Variants in ARNT2 observed in about 807,000 individuals in gnomAD.
ARNT2 encodes the protein aryl hydrocarbon receptor nuclear translocator 2.
Under a neutral mutation model 91.7 loss-of-function variants are expected in ARNT2, and 36 were observed. The ratio of observed to expected loss-of-function variants is 0.39; its 90% CI spans 0.30 to 0.52. ARNT2 has a LOEUF of 0.52. ARNT2 is among the 20% of genes least tolerant of loss of function. The probability of loss-of-function intolerance (pLI) is 0.72; values close to 1 mark genes in which losing one functional copy is unlikely to be tolerated. For missense variants in ARNT2, 775 were observed against 939.3 expected, an observed-to-expected ratio of 0.83 and a Z score of 2.29; for synonymous variants, 365 against 347.1, an observed-to-expected ratio of 1.05 and a Z score of -0.57.
intron 1 of ARNT2, among the ~76,000 whole-genome samples, chr15:80,432,679 G>A (rs960483556): frequency 2.0e-5 from 3 of 151,954 alleles, no homozygotes; most frequent in African/African-American, 7.3e-5. Flanking sequence ...TGGATCTTCT[G>A]CTTGGGCTGA....
chr15:80,404,428 C>A lies in ARNT2; in HGVS notation c.-88C>A. 1 of 931,922 alleles carries A rather than the reference C, an allele frequency of 1.1e-6. No homozygotes were observed. Among genetic ancestry groups the A allele is most frequent in the Non-Finnish European group, 1.3e-6 (1 of 752,464 alleles). The allele number at this position is 931,922 out of a possible 1,614,324, so 57.7% of individuals were successfully genotyped here. Reference sequence around the variant, plus strand: ...TTGTGTGGCGGCGGCGGCGCCTGGGCCTGACCGGGTCCCCGGGGCTGAGCG... The same window carrying A: ...TTGTGTGGCGGCGGCGGCGCCTGGGACTGACCGGGTCCCCGGGGCTGAGCG... On this transcript the variant is annotated 5_prime_UTR_variant, in exon 1 of 19. Coordinates refer to ENST00000303329, the MANE Select transcript of ARNT2 (RefSeq NM_014862.4). This position sits in a 1 kb window ranked among gnomAD's most constrained non-coding sequence, Gnocchi z 5.5.
chr15:80,452,677 G>A (rs1406582847), intron 2 of ARNT2, among the ~76,000 whole-genome samples: 1 of 152,312 alleles, frequency 6.6e-6, no homozygotes, highest in East Asian at 1.9e-4. Flanking sequence ...GAGGGAGGTG[G>A]GCTGAGTCAG....
At position 80,595,323 on chromosome 15, in the gene ARNT2, G is replaced by T; in HGVS notation, c.*1625G>T. 1 of 152,384 alleles carries T rather than the reference G, an allele frequency of 6.6e-6. No individual in the cohort carries two copies. Among genetic ancestry groups the T allele is most frequent in the Non-Finnish European group, 1.5e-5 (1 of 68,106 alleles). 9.4% of individuals were successfully genotyped at this position (152,384 alleles called of 1,614,324 possible). A position where few individuals can be genotyped will look rare whatever the true frequency, so the allele number is the denominator to read the frequency against. Reference sequence around the variant, plus strand: ...CTTGTGTCCCTCCCAGAGTCCTTCAGGTAGGCCCTCGCAGATGCTGCTTGC... The same window carrying T: ...CTTGTGTCCCTCCCAGAGTCCTTCATGTAGGCCCTCGCAGATGCTGCTTGC... On this transcript the variant is annotated 3_prime_UTR_variant, in exon 19 of 19. Coordinates refer to ENST00000303329, the MANE Select transcript of ARNT2 (RefSeq NM_014862.4).
At chr15:80,580,382 C>A (rs368081926) in intron 15 of ARNT2, 29 bp from the exon 16 acceptor site, 1 of 1,613,260 alleles carries the variant, frequency 6.2e-7, no homozygotes, top group African/African-American at 1.3e-5. Context: ...GGTGTGTCCT[C>A]GGGATAAATG....
Position 80,404,525 on chromosome 15 carries a change from C to A in ARNT2, c.10C>A (p.Pro4Thr). Residue 4 changes from proline to threonine, a missense_variant, in exon 1 of 19, where the codon CCG becomes ACG. By Grantham distance (38) the Pro-to-Thr change is conservative (BLOSUM62 -1). Transcript: ENST00000303329. This position sits in a 1 kb window ranked among gnomAD's most constrained non-coding sequence, Gnocchi z 5.5. The stretch of plus-strand genomic sequence containing the variant: ...ATCCTCTCCGAGCAAGATGGCAACC[C>A]CGGCGGCGGTCAACCCTCCGGGTGA... MAT[P>T]AAVNPPEMAS... 1 of 1,223,158 alleles carries A rather than the reference C, an allele frequency of 8.2e-7. No homozygotes were observed. The highest frequency in any genetic ancestry group is 1.0e-6 in the Non-Finnish European group (1 of 963,122). 75.8% of individuals were successfully genotyped at this position (1,223,158 alleles called of 1,614,324 possible). A position where few individuals can be genotyped will look rare whatever the true frequency, so the allele number is the denominator to read the frequency against.
At chr15:80,559,863 C>T (rs993473526) in intron 11 of ARNT2, among the ~76,000 whole-genome samples, 2 of 152,222 alleles carry the variant, frequency 1.3e-5, no homozygotes, top group African/African-American at 4.8e-5. Flanking sequence ...GGCCATCTAC[C>T]GCATTGCACC....
Position 80,590,219 on chromosome 15 carries a change from G to T in ARNT2, c.1919-1349G>T, listed in dbSNP as rs551281536. ...GAAAGAGTAGTATGGGACAAGATGG[G>T]GCTTCTCTTGCCACCCAGAGCTTGA... On this transcript the variant is annotated intron_variant, in intron 17 of 18. Transcript: ENST00000303329. 4.6e-5 allele frequency among the ~76,000 whole-genome samples: 7 copies of T among 152,152 alleles called. No homozygotes were observed. The South Asian group carries it at 1.5e-3, about 32-fold the overall frequency.
In ARNT2 at chr15:80,576,885, C is replaced by T; in HGVS notation, c.1533C>T (p.Ser511=). 2 of 1,614,120 alleles carry T rather than the reference C, an allele frequency of 1.2e-6. No homozygotes were observed. Among genetic ancestry groups the T allele is most frequent in the Non-Finnish European group, 1.7e-6 (2 of 1,180,034 alleles). The change falls in exon 15 of 19, where the codon AGC becomes AGT. Residue 511 remains serine (S), a synonymous_variant. Transcript: ENST00000303329. The part of the protein sequence containing the change: ...GISASEKKMM[S]SASAAGTQQI... ...TCCTAGCGGAGAAGAAGATGATGAG[C>T]TCAGCCTCTGCAGCAGGAACCCAGC...
intron 5 of ARNT2, among the ~76,000 whole-genome samples, chr15:80,488,912 C>T (rs1375255202): frequency 5.3e-5 from 8 of 152,154 alleles, no homozygotes. Context: ...ATCTTTTATC[C>T]TAACTTTGAT....
chr15:80,578,058 C>T (rs1224830845), intron 15 of ARNT2, among the ~76,000 whole-genome samples: 2 of 151,822 alleles, frequency 1.3e-5, no homozygotes, highest in Non-Finnish European at 2.9e-5. Flanking sequence ...AGCTACTCAG[C>T]ACGCACTGAC....
chr15:80,483,583 A>G (rs1202549496), intron 5 of ARNT2, among the ~76,000 whole-genome samples: 1 of 152,172 alleles, frequency 6.6e-6, no homozygotes, highest in Admixed American at 6.5e-5. Flanking sequence ...CTCACCGCAC[A>G]AGCCCATACA....
intron 15 of ARNT2, among the ~76,000 whole-genome samples, chr15:80,577,971 C>T (rs1162253686): frequency 6.6e-6 from 1 of 152,224 alleles, no homozygotes; most frequent in Non-Finnish European, 1.5e-5. Context: ...AGTCCCTAAC[C>T]ATCATCACCG....
chr15:80,562,792 G>C (rs1898390674), intron 11 of ARNT2: 1 of 400,714 alleles, frequency 2.5e-6, no homozygotes, highest in African/African-American at 2.0e-5. Context: ...GAGTTTTCAT[G>C]ATCTCATTTG....
intron 12 of ARNT2, among the ~76,000 whole-genome samples, chr15:80,572,197 A>G (rs1250006194): frequency 6.6e-6 from 1 of 151,866 alleles, no homozygotes; most frequent in Non-Finnish European, 1.5e-5. Context: ...GGCACCTAGC[A>G]GGGGGCCAGG....
chr15:80,424,777 C>A (rs1358318861), intron 1 of ARNT2, among the ~76,000 whole-genome samples: 6 of 147,080 alleles, frequency 4.1e-5, no homozygotes, highest in African/African-American at 5.0e-5. Flanking sequence ...AAACAGCCCT[C>A]AAAAAAAAAA....
chr15:80,497,510 C>T (rs1166429409), intron 5 of ARNT2, among the ~76,000 whole-genome samples: 2 of 152,216 alleles, frequency 1.3e-5, no homozygotes, highest in Non-Finnish European at 2.9e-5. Context: ...TGCAGGGCCT[C>T]TAAGTAATAG....
At position 80,566,929 on chromosome 15, in the gene ARNT2, T is replaced by C. The variant is rs576018233; in HGVS notation, c.1316+3690T>C. On this transcript the variant is annotated intron_variant, in intron 12 of 18. Coordinates refer to ENST00000303329, the MANE Select transcript of ARNT2 (RefSeq NM_014862.4). ...TACTATTTTCTATTCTGATTTTATC[T>C]AGTGAAACTCAGTTAGCTTGGCCAA... Among the ~76,000 whole-genome samples the C allele has an allele frequency of 2.6e-5, 4 of 152,354 alleles. No homozygotes were observed. In the South Asian group the frequency reaches 8.3e-4, roughly 32 times the overall value.
At chr15:80,443,218 G>T (rs996799922) in intron 1 of ARNT2, among the ~76,000 whole-genome samples, 1 of 152,246 alleles carries the variant, frequency 6.6e-6, no homozygotes, top group Non-Finnish European at 1.5e-5. Context: ...GGTCAGAACG[G>T]AACATAGTGT....
chr15:80,514,442 G>C, intron 8 of ARNT2, 37 bp downstream of exon 8: 1 of 1,583,112 alleles, frequency 6.3e-7, no homozygotes. Flanking sequence ...CGGGAACTGG[G>C]TGCTGCTCAT....
Sources: gnomAD v4.1 joint callset for allele counts (sites outside exome capture counted in the v4.1 genomes callset) on GRCh38, gnomAD v4.1.1 for gene constraint, Gnocchi (gnomAD v3.1) non-coding constraint, MANE v1.5 for transcripts, NCBI Gene and HGNC (gene_info 2026-07-23, HGNC 2026-07-21) for gene names.